The following STAB2 variants were observed in gnomAD, a reference collection of about 807,000 sequenced individuals.
STAB2 encodes the protein stabilin-2.
STAB2 carries 288 observed loss-of-function variants against 338.1 expected under a neutral mutation model. That is an observed-to-expected ratio of 0.85 (90% CI 0.77 to 0.94). The LOEUF (loss-of-function observed/expected upper bound fraction) is 0.94, where lower values mean the gene tolerates loss of function less well. Ranked by LOEUF, STAB2 falls within the 40% of genes least tolerant of loss-of-function variation. The pLI, the probability that STAB2 is intolerant of heterozygous loss-of-function variation, is 0.00. For synonymous variants in STAB2, 1,202 were observed against 1,193.3 expected (o/e 1.01, Z -0.15); for missense variants, 3,141 against 3,210.1 (o/e 0.98, Z 0.52).
Position 103,724,974 on chromosome 12 carries a change from G to GA in STAB2, c.4688dup (p.Asn1563LysfsTer5), listed in dbSNP as rs1487152301. ...CCCTTGCCCCTTGGCAATTTTACCAGAAAAATGGCGGCTGTAGTGAATTTG... is the reference window on the plus strand; with the variant it reads ...CCCTTGCCCCTTGGCAATTTTACCAGAAAAAATGGCGGCTGTAGTGAATTTG... On this transcript the variant is annotated frameshift_variant and splice_region_variant. Coordinates refer to ENST00000388887, the MANE Select transcript of STAB2 (RefSeq NM_017564.10). LOFTEE classifies it high-confidence loss of function. 3.1e-6 allele frequency: 5 copies of GA among 1,613,392 alleles called. No individual in the cohort carries two copies. The highest frequency in any genetic ancestry group is 4.2e-6 in the Non-Finnish European group (5 of 1,179,468).
Position 103,759,196 on chromosome 12 carries a change from C to T in STAB2, c.7171C>T (p.Leu2391Phe), listed in dbSNP as rs1469535594. 1 of 1,614,174 alleles carries T rather than the reference C, an allele frequency of 6.2e-7. No individual in the cohort carries two copies. Among genetic ancestry groups the T allele is most frequent in the African/African-American group, 1.3e-5 (1 of 75,042 alleles). ...ANVSMFFYND[L>F]VNGTTLQTRL... ...TGTCAGCATGTTTTTCTACAATGAC[C>T]TTGTCAATGGCACCACCCTGCAAAC... Residue 2391 changes from leucine to phenylalanine, a missense_variant, in exon 65 of 69, where the codon CTT becomes TTT. Physicochemically the swap from Leu to Phe is conservative, Grantham distance 22. Transcript: ENST00000388887.
intron 22 of STAB2, among the ~76,000 whole-genome samples, chr12:103,671,967 G>A (rs180949975): frequency 1.6e-4 from 25 of 152,268 alleles, no homozygotes; most frequent in Middle Eastern, 3.4e-3. Context: ...CCTACCAACC[G>A]TCTGATCTCA....
intron 37 of STAB2, 40 bp downstream of exon 37, chr12:103,705,767 C>A: frequency 6.3e-7 from 1 of 1,581,010 alleles, no homozygotes; most frequent in South Asian, 1.1e-5. Context: ...ACTGCAGCAC[C>A]ATTGGGAAAA....
chr12:103,588,090 G>A (rs1178066952), intron 1 of STAB2, among the ~76,000 whole-genome samples: 2 of 152,128 alleles, frequency 1.3e-5, no homozygotes, highest in East Asian at 1.9e-4. Flanking sequence ...TCAGCACACC[G>A]AACCCTCAAG....
Position 103,694,993 on chromosome 12 carries a change from A to AT in STAB2, c.3376-549dup, listed in dbSNP as rs372318728. Among the ~76,000 whole-genome samples, 500 of 152,000 alleles carry AT rather than the reference A, an allele frequency of 3.3e-3. 5 individuals are homozygous for AT. The highest frequency in any genetic ancestry group is 0.011 in the African/African-American group (444 of 41,456). On this transcript the variant is annotated intron_variant, in intron 31 of 68. Coordinates refer to ENST00000388887, the MANE Select transcript of STAB2 (RefSeq NM_017564.10). ...TGTGTGTCTGCAGAAATTCAGACTG[A>AT]TTTTTTTTAAAGGCAATCTAAATTT...
chr12:103,715,727 G>A lies in STAB2; in HGVS notation c.4538-88G>A. The A allele has an allele frequency of 2.0e-6, 3 of 1,484,094 alleles. No individual in the cohort carries two copies. The South Asian group carries it at 3.5e-5, about 17-fold the overall frequency. The allele number at this position is 1,484,094 out of a possible 1,614,324, so 91.9% of individuals were successfully genotyped here. ...CTTTGACACCCGCTCCCTTCAGTCA[G>A]TTAGCCATCTTAGCTCATCCCTCAA... On this transcript the variant is annotated intron_variant, in intron 42 of 68. Transcript: ENST00000388887.
chr12:103,742,295 G>A (rs1483259568), intron 55 of STAB2, 110 bp from the exon 56 acceptor site: 16 of 1,431,554 alleles, frequency 1.1e-5, no homozygotes, highest in African/African-American at 2.8e-5. Flanking sequence ...CACTGAAGGC[G>A]ATGGTCCCTC....
intron 15 of STAB2, among the ~76,000 whole-genome samples, chr12:103,658,185 A>T (rs1486414623): frequency 2.6e-5 from 4 of 152,236 alleles, no homozygotes; most frequent in Non-Finnish European, 5.9e-5. Flanking sequence ...TATACAGTTC[A>T]AGGTCAAATT....
chr12:103,712,882 T>G (rs550446951), intron 41 of STAB2, among the ~76,000 whole-genome samples: 1 of 152,302 alleles, frequency 6.6e-6, no homozygotes, highest in East Asian at 1.9e-4. Flanking sequence ...CCCTGGTTCT[T>G]CCTCCAACTA....
chr12:103,633,483 G>C (rs1257778666), intron 6 of STAB2, among the ~76,000 whole-genome samples: 3 of 152,232 alleles, frequency 2.0e-5, no homozygotes, highest in Non-Finnish European at 1.5e-5. Flanking sequence ...AGGAGTTCAA[G>C]ACCAGCCTGG....
chr12:103,694,262 C>G (rs1878208783), intron 31 of STAB2, among the ~76,000 whole-genome samples: 1 of 152,060 alleles, frequency 6.6e-6, no homozygotes, highest in Non-Finnish European at 1.5e-5. Flanking sequence ...TTTCAGTGGC[C>G]CTCATCACTG....
intron 31 of STAB2, 136 bp from the exon 32 acceptor site, chr12:103,695,414 G>A (rs1228206850): frequency 4.2e-6 from 3 of 721,496 alleles, no homozygotes; most frequent in East Asian, 2.6e-5. Flanking sequence ...TATACTGTGA[G>A]TAATCTTCAA....
chr12:103,613,927 A>G (rs1957169472), intron 3 of STAB2, among the ~76,000 whole-genome samples: 1 of 152,004 alleles, frequency 6.6e-6, no homozygotes, highest in African/African-American at 2.4e-5. Flanking sequence ...TATATCTTGT[A>G]TTTTTATTTT....
At chr12:103,720,899 G>A (rs1880709251) in intron 44 of STAB2, among the ~76,000 whole-genome samples, 1 of 152,174 alleles carries the variant, frequency 6.6e-6, no homozygotes. Flanking sequence ...TTGGTAGAAG[G>A]GACAACTGAG....
chr12:103,640,302 T>C, intron 9 of STAB2, 46 bp downstream of exon 9: 2 of 1,588,696 alleles, frequency 1.3e-6, no homozygotes, highest in African/African-American at 1.3e-5. Context: ...GTGGTGAAAA[T>C]GGTGTCCAGT....
chr12:103,731,356 G>A (rs771817931), intron 49 of STAB2, among the ~76,000 whole-genome samples: 1 of 152,144 alleles, frequency 6.6e-6, no homozygotes, highest in African/African-American at 2.4e-5. Context: ...TCACATTGGG[G>A]TTCTAGCTGC....
rs1214391117 is a variant in STAB2 at position 103,758,231 on chromosome 12, A to G, written c.7049A>G (p.Asp2350Gly). The change falls in exon 64 of 69, where the codon GAC (aspartate) becomes GGC (glycine). Residue 2350 changes from aspartate to glycine, a missense_variant. Physicochemically the swap from Asp to Gly is moderately conservative, Grantham distance 94. Coordinates refer to ENST00000388887, the MANE Select transcript of STAB2 (RefSeq NM_017564.10). Reference sequence around the variant, plus strand: ...CGTGCATTTCTAGAACACCTGACTGACCTGTCCATCCGCGGCACCCTCTTT... The same window carrying G: ...CGTGCATTTCTAGAACACCTGACTGGCCTGTCCATCCGCGGCACCCTCTTT... ...RGRAFLEHLTDLSIRGTLFVP... is the reference protein window; with the variant it reads ...RGRAFLEHLTGLSIRGTLFVP... 1.9e-6 allele frequency: 3 copies of G among 1,613,984 alleles called. No homozygotes were observed. The highest frequency in any genetic ancestry group is 2.5e-6 in the Non-Finnish European group (3 of 1,180,036).
intron 3 of STAB2, among the ~76,000 whole-genome samples, chr12:103,600,190 C>T (rs1956933746): frequency 6.6e-6 from 1 of 152,198 alleles, no homozygotes; most frequent in South Asian, 2.1e-4. Flanking sequence ...AGTTTCAGCA[C>T]TTTGGTAAGG....
intron 3 of STAB2, among the ~76,000 whole-genome samples, chr12:103,615,122 T>C (rs1957188921): frequency 6.6e-6 from 1 of 152,194 alleles, no homozygotes; most frequent in South Asian, 2.1e-4. Context: ...TCTGTGGGGA[T>C]ATATCCACAA....
Sources: allele counts gnomAD v4.1 joint callset (sites outside exome capture counted in the v4.1 genomes callset), GRCh38; gene constraint gnomAD v4.1.1; transcripts MANE v1.5; gene names NCBI Gene and HGNC (gene_info 2026-07-23, HGNC 2026-07-21).